GSDMA: variants seen among roughly 807,000 people sequenced by gnomAD.
The protein encoded by GSDMA is gasdermin A, also known as gasdermin-A.
A neutral mutation model predicts 54.3 loss-of-function variants in GSDMA; 55 were observed. The observed-to-expected ratio is 1.01, with a 90% confidence interval of 0.82 to 1.27. GSDMA has a LOEUF of 1.27. GSDMA is among the 50% of genes most tolerant of loss of function. The pLI is 0.00. For missense variants in GSDMA, 542 were observed against 542.6 expected (o/e 1.00, Z 0.01); for synonymous variants, 211 against 224.7 (o/e 0.94, Z 0.54).
At chr17:39,973,851 C>G in intron 8 of GSDMA, 21 bp downstream of exon 8, 1 of 1,609,136 alleles carries the variant, frequency 6.2e-7, no homozygotes, top group Non-Finnish European at 8.5e-7. Context: ...TTGTGAGTTT[C>G]TCCCAAGACT....
intron 4 of GSDMA, 50 bp from the exon 5 acceptor site, chr17:39,971,474 T>G (rs1368775583): frequency 6.8e-7 from 1 of 1,464,036 alleles, no homozygotes; most frequent in South Asian, 1.1e-5. Context: ...TCCCAATATC[T>G]CATACTTAAG....
intron 6 of GSDMA, 83 bp downstream of exon 6, chr17:39,972,259 C>G: frequency 1.1e-6 from 1 of 948,476 alleles, no homozygotes; most frequent in Non-Finnish European, 1.7e-6. Flanking sequence ...CCTCTCCTAG[C>G]TTATACTATA....
At chr17:39,974,749 C>G in intron 9 of GSDMA, 151 bp from the exon 10 acceptor site, 1 of 636,820 alleles carries the variant, frequency 1.6e-6, no homozygotes, top group Non-Finnish European at 2.8e-6. Flanking sequence ...ACAAGGAACC[C>G]AGGAGTCCAG....
rs16965465 is a variant in GSDMA, at chr17:39,965,864, G to A, written c.177G>A (p.Thr59=). ...WGARYVRTDY[T]LLDVLEPGSS... is the part of the protein sequence containing the mutation. Reference sequence around the variant, plus strand: ...CCCGGTACGTCCGCACCGACTACACGCTGCTGGATGTGCTTGAGCCCGGCA... The same window carrying A: ...CCCGGTACGTCCGCACCGACTACACACTGCTGGATGTGCTTGAGCCCGGCA... Residue 59 remains threonine (T), a synonymous_variant, in exon 2 of 12, where the codon ACG becomes ACA. Coordinates refer to ENST00000301659, the MANE Select transcript of GSDMA (RefSeq NM_178171.5). The A allele has an allele frequency of 0.015, 24,065 of 1,560,976 alleles. 1,645 individuals carry two copies. In the African/African-American group the frequency reaches 0.2, roughly 13 times the overall value.
At chr17:39,972,100 T>TGGGC in intron 5 of GSDMA, 29 bp from the exon 6 acceptor site, 33 of 834,988 alleles carry the variant, frequency 4.0e-5, no homozygotes, top group East Asian at 5.1e-5. Context: ...CTAAGTGTCC[T>TGGGC]CCCACCCTCC....
intron 6 of GSDMA, 123 bp downstream of exon 6, chr17:39,972,299 C>T: frequency 1.4e-6 from 1 of 740,684 alleles, no homozygotes; most frequent in Non-Finnish European, 2.3e-6. Flanking sequence ...CTTTTGTTTC[C>T]CAAGTCCCTA....
At chr17:39,966,164 C>T in intron 2 of GSDMA, 96 bp from the exon 3 acceptor site, 2 of 1,315,172 alleles carry the variant, frequency 1.5e-6, no homozygotes, top group South Asian at 1.2e-5. Flanking sequence ...TGGGCTCAAG[C>T]AATCCTTCCA....
At chr17:39,965,195 G>T (rs1446524811) in intron 1 of GSDMA, among the ~76,000 whole-genome samples, 1 of 141,264 alleles carries the variant, frequency 7.1e-6, no homozygotes, top group Non-Finnish European at 1.5e-5. Flanking sequence ...GGAAGGAAGG[G>T]AGAGGGGGAA....
chr17:39,974,806 A>G, intron 9 of GSDMA, 94 bp from the exon 10 acceptor site: 1 of 715,352 alleles, frequency 1.4e-6, no homozygotes, highest in Non-Finnish European at 2.4e-6. Flanking sequence ...GGAAATGGAG[A>G]GAGTTTCCGC....
chr17:39,971,379 A>G, intron 4 of GSDMA, 145 bp from the exon 5 acceptor site: 1 of 621,464 alleles, frequency 1.6e-6, no homozygotes, highest in Admixed American at 2.8e-5. Flanking sequence ...CTCAGAGTCC[A>G]GACCAGGGAC....
chr17:39,970,380 C>T (rs1979874923), intron 3 of GSDMA, 102 bp from the exon 4 acceptor site: 5 of 1,139,662 alleles, frequency 4.4e-6, no homozygotes, highest in Non-Finnish European at 5.9e-6. Flanking sequence ...CCTTCCCTGC[C>T]ACCACAATGT....
At chr17:39,965,265 A>G (rs149883408) in intron 1 of GSDMA, among the ~76,000 whole-genome samples, 56,515 of 135,250 alleles carry the variant, frequency 0.42, 12,650 homozygotes, top group East Asian at 0.54. Context: ...AGGGAGAGAA[A>G]GAAAGAAGGA....
At position 39,976,833 on chromosome 17, in the gene GSDMA, A is replaced by G. The variant is rs1443454980; in HGVS notation, c.1113A>G (p.Glu371=). ...CCCTCCAGGTGGAGAGCACGATGGAACAGAACTTCCTGCTGGATAAAGAGG... is the reference window on the plus strand; with the variant it reads ...CCCTCCAGGTGGAGAGCACGATGGAGCAGAACTTCCTGCTGGATAAAGAGG... ...VQLKLVESTM[E]QNFLLDKEGV... is the part of the protein sequence containing the mutation. The change falls in exon 12 of 12, where the codon GAA becomes GAG. Residue 371 remains glutamate, a synonymous_variant. Coordinates refer to ENST00000301659, the MANE Select transcript of GSDMA (RefSeq NM_178171.5). 6.2e-7 allele frequency: 1 copy of G among 1,613,944 alleles called. No individual in the cohort carries two copies. Among genetic ancestry groups the G allele is most frequent in the Non-Finnish European group, 8.5e-7 (1 of 1,179,886 alleles).
At chr17:39,967,204 T>C (rs941729444) in intron 3 of GSDMA, among the ~76,000 whole-genome samples, 3 of 152,210 alleles carry the variant, frequency 2.0e-5, no homozygotes, top group African/African-American at 7.2e-5. Context: ...TTTAAAAACC[T>C]GTGCAACAGT....
At chr17:39,972,200 TC>T in intron 6 of GSDMA, 24 bp downstream of exon 6, 1 of 1,522,044 alleles carries the variant, frequency 6.6e-7, no homozygotes, top group Non-Finnish European at 9.1e-7. Flanking sequence ...CTTACGGGCT[TC>T]CCACATCTTC....
rs58338887 is a variant in GSDMA, at chr17:39,970,658, AACACAC to A, written c.558+32_558+37del. The A allele has an allele frequency of 0.32, 433,057 of 1,346,552 alleles. 46,053 individuals are homozygous for A. The highest frequency in any genetic ancestry group is 0.46 in the Middle Eastern group (1,800 of 3,892). 83.4% of individuals were successfully genotyped at this position (1,346,552 alleles called of 1,614,324 possible). A position where few individuals can be genotyped will look rare whatever the true frequency, so the allele number is the denominator to read the frequency against. On this transcript the variant is annotated intron_variant, in intron 4 of 11. Coordinates refer to ENST00000301659, the MANE Select transcript of GSDMA (RefSeq NM_178171.5). ...CCATTGGGGCTACAGGTTTGATTCA[AACACAC>A]ACACACACACACACACACACTCTCA... is the stretch of plus-strand genomic sequence containing the variant.
intron 10 of GSDMA, 126 bp from the exon 11 acceptor site, chr17:39,975,798 T>C (rs892892956): frequency 1.5e-6 from 1 of 652,510 alleles, no homozygotes; most frequent in Admixed American, 2.8e-5. Flanking sequence ...CAGCTATGGC[T>C]CCCTTAACAC....
intron 3 of GSDMA, among the ~76,000 whole-genome samples, chr17:39,969,319 C>T (rs1472885728): frequency 6.7e-6 from 1 of 148,566 alleles, no homozygotes; most frequent in African/African-American, 2.5e-5. Context: ...CACTGCACTT[C>T]AGCCTGGGCA....
Position 39,971,517 on chromosome 17 carries a change from A to C in GSDMA, c.559-7A>C. 6.2e-7 allele frequency: 1 copy of C among 1,608,626 alleles called. No homozygotes were observed. The highest frequency in any genetic ancestry group is 8.5e-7 in the Non-Finnish European group (1 of 1,175,118). ...GAGATTCACAAATTCTCATTGTCTA[A>C]TTCTAGGGATCCATAAATCACAAGG... On this transcript the variant is annotated splice_region_variant and splice_polypyrimidine_tract_variant and intron_variant, in intron 4 of 11. Transcript: ENST00000301659.
Sources: allele counts gnomAD v4.1 joint callset (sites outside exome capture counted in the v4.1 genomes callset), GRCh38; gene constraint gnomAD v4.1.1; transcripts MANE v1.5; gene names NCBI Gene and HGNC (gene_info 2026-07-23, HGNC 2026-07-21).